The following KMO variants were observed in gnomAD, a reference collection of about 807,000 sequenced individuals.
The protein encoded by KMO is kynurenine 3-monooxygenase.
KMO carries 24 observed loss-of-function variants against 57.8 expected under a neutral mutation model. That is an observed-to-expected ratio of 0.42 (90% CI 0.30 to 0.58). KMO has a LOEUF of 0.58. Ranked by LOEUF, KMO falls within the 20% of genes least tolerant of loss-of-function variation. The pLI, the probability that KMO is intolerant of heterozygous loss-of-function variation, is 0.22. For missense variants in KMO, 483 were observed against 588.2 expected, an observed-to-expected ratio of 0.82 and a Z score of 1.85; for synonymous variants, 210 against 193.6, an observed-to-expected ratio of 1.08 and a Z score of -0.70.
At chr1:241,582,375 A>G (rs1395863488) in intron 10 of KMO, among the ~76,000 whole-genome samples, 1 of 152,102 alleles carries the variant, frequency 6.6e-6, no homozygotes. Flanking sequence ...GTCTCTCTCT[A>G]TATATGTTCT....
intron 1 of KMO, among the ~76,000 whole-genome samples, chr1:241,547,191 T>C (rs1372913350): frequency 6.6e-6 from 1 of 152,118 alleles, no homozygotes; most frequent in Non-Finnish European, 1.5e-5. Flanking sequence ...GATCTCAGAA[T>C]AGGCAAAGAT....
In KMO at chr1:241,593,305, C is replaced by T; in HGVS notation, c.*1152C>T. On this transcript the variant is annotated 3_prime_UTR_variant, in exon 15 of 15. Transcript: ENST00000366559. ...ATACTGCAGCAGAACCAGCAATACA[C>T]TTGATTTTTAAAAGCACATTTAGTG... 2.5e-6 allele frequency: 1 copy of T among 402,848 alleles called. No individual in the cohort carries two copies. Among genetic ancestry groups the T allele is most frequent in the Non-Finnish European group, 5.6e-6 (1 of 179,980 alleles). The allele number at this position is 402,848 out of a possible 1,614,324, so 25.0% of individuals were successfully genotyped here.
intron 10 of KMO, among the ~76,000 whole-genome samples, chr1:241,585,883 G>T (rs1662958528): frequency 6.6e-6 from 1 of 151,688 alleles, no homozygotes; most frequent in Non-Finnish European, 1.5e-5. Context: ...TCTGTATTTA[G>T]TATAGTACAT....
At chr1:241,557,477 G>A (rs1233133396) in intron 5 of KMO, among the ~76,000 whole-genome samples, 1 of 152,156 alleles carries the variant, frequency 6.6e-6, no homozygotes, top group Admixed American at 6.5e-5. Flanking sequence ...GTAATTGAAC[G>A]TAATGGGATT....
intron 10 of KMO, among the ~76,000 whole-genome samples, chr1:241,572,439 A>AT (rs912172008): frequency 3.3e-5 from 5 of 151,754 alleles, no homozygotes; most frequent in African/African-American, 1.2e-4. Context: ...TTGACCTCTG[A>AT]TTTTATTTAT....
chr1:241,562,369 C>A (rs760552811), intron 7 of KMO, 37 bp downstream of exon 7: 2 of 1,606,032 alleles, frequency 1.2e-6, no homozygotes, highest in East Asian at 2.2e-5. Flanking sequence ...TTCCCACAAC[C>A]CTTGCTCCAT....
rs761201360 is a variant in KMO at position 241,566,563 on chromosome 1, G to A, written c.760G>A (p.Val254Ile). ...FEKLLTSNDVVDFFQKYFPDA... is the reference protein window; with the variant it reads ...FEKLLTSNDVIDFFQKYFPDA... ...AAAACTTCTAACCAGTAATGATGTG[G>A]TAGATTTCTTCCAGAAATACTTTCC... Residue 254 changes from valine to isoleucine, a missense_variant, in exon 9 of 15, where the codon GTA becomes ATA. Physicochemically the swap from Val to Ile is conservative, Grantham distance 29. This residue lies in a region of KMO where 410 missense variants were observed against 492.3 expected (regional missense o/e 0.83). Transcript: ENST00000366559. 1 of 1,613,498 alleles carries A rather than the reference G, an allele frequency of 6.2e-7. No individual in the cohort carries two copies.
chr1:241,568,235 A>G (rs1360003494), intron 9 of KMO, among the ~76,000 whole-genome samples: 4 of 152,232 alleles, frequency 2.6e-5, no homozygotes, highest in Non-Finnish European at 5.9e-5. Flanking sequence ...TTTTAATAAT[A>G]TATGATACAG....
chr1:241,534,003 T>C (rs1487917618), intron 1 of KMO, among the ~76,000 whole-genome samples: 1 of 152,254 alleles, frequency 6.6e-6, no homozygotes, highest in African/African-American at 2.4e-5. Context: ...AGGCAGGAAC[T>C]GCCTGAGGCC....
Position 241,592,216 on chromosome 1 carries a change from A to G in KMO, c.*63A>G. The G allele has an allele frequency of 1.6e-6, 2 of 1,263,946 alleles. No homozygotes were observed. Among genetic ancestry groups the G allele is most frequent in the Non-Finnish European group, 2.3e-6 (2 of 882,336 alleles). 78.3% of individuals were successfully genotyped at this position (1,263,946 alleles called of 1,614,324 possible). On this transcript the variant is annotated 3_prime_UTR_variant, in exon 15 of 15. Coordinates refer to ENST00000366559, the MANE Select transcript of KMO (RefSeq NM_003679.5). ...GTGACCAAAATTAAGCATGAAAAAA[A>G]TGTTTCCATTGCCATATTTGATTCA...
chr1:241,566,436 T>A (rs1662081945), intron 8 of KMO, 55 bp from the exon 9 acceptor site: 8 of 1,572,628 alleles, frequency 5.1e-6, no homozygotes, highest in South Asian at 1.2e-5. Flanking sequence ...AGCCACCTAG[T>A]GCCAGCGTCA....
intron 1 of KMO, 73 bp downstream of exon 1, chr1:241,532,571 T>A: frequency 9.0e-7 from 1 of 1,108,164 alleles, no homozygotes. Context: ...TGATTATTAT[T>A]CGTCACTTCT....
At chr1:241,542,342 C>A (rs1160122565) in intron 1 of KMO, among the ~76,000 whole-genome samples, 1 of 152,130 alleles carries the variant, frequency 6.6e-6, no homozygotes, top group Non-Finnish European at 1.5e-5. Flanking sequence ...CATCCCTATA[C>A]AGCACATGAC....
At chr1:241,583,875 A>G (rs1662859666) in intron 10 of KMO, among the ~76,000 whole-genome samples, 1 of 152,192 alleles carries the variant, frequency 6.6e-6, no homozygotes, top group Non-Finnish European at 1.5e-5. Flanking sequence ...TCAGCAATTC[A>G]AGACTTAATT....
At chr1:241,572,914 T>G (rs1662358236) in intron 10 of KMO, among the ~76,000 whole-genome samples, 1 of 152,182 alleles carries the variant, frequency 6.6e-6, no homozygotes, top group Non-Finnish European at 1.5e-5. Flanking sequence ...TTGAGTCATT[T>G]CACTTAAAAT....
chr1:241,541,401 A>G (rs1275927639), intron 1 of KMO, among the ~76,000 whole-genome samples: 1 of 152,214 alleles, frequency 6.6e-6, no homozygotes, highest in Non-Finnish European at 1.5e-5. Flanking sequence ...GGAATACAGA[A>G]TACAGAAGAA....
intron 9 of KMO, 86 bp downstream of exon 9, chr1:241,566,698 T>C: frequency 7.2e-7 from 1 of 1,395,536 alleles, no homozygotes. Flanking sequence ...TCAGTTTGGG[T>C]TAAACACGAT....
chr1:241,574,437 G>T (rs1481066955), intron 10 of KMO, among the ~76,000 whole-genome samples: 1 of 151,882 alleles, frequency 6.6e-6, no homozygotes, highest in Non-Finnish European at 1.5e-5. Context: ...TTTGAGGTTA[G>T]TCCCTTCTAT....
rs750076763 is a variant in KMO, at chr1:241,562,192, A to G, written c.475A>G (p.Thr159Ala). The change falls in exon 7 of 15, where the codon ACT becomes GCT. Residue 159 changes from threonine to alanine, a missense_variant. By Grantham distance (58) the Thr-to-Ala change is moderately conservative. Coordinates refer to ENST00000366559, the MANE Select transcript of KMO (RefSeq NM_003679.5). The part of the protein sequence containing the change: ...LGSDKVPKDV[T>A]CDLIVGCDGA... ...ATCTGACAAAGTTCCCAAAGATGTC[A>G]CTTGTGACCTCATTGTAGGATGTGA... is the stretch of plus-strand genomic sequence containing the variant. 65 of 1,613,854 alleles carry G rather than the reference A, an allele frequency of 4.0e-5. No individual in the cohort carries two copies. Among genetic ancestry groups the G allele is most frequent in the Non-Finnish European group, 5.4e-5 (64 of 1,179,950 alleles).
Sources: gnomAD v4.1 joint callset for allele counts (sites outside exome capture counted in the v4.1 genomes callset) on GRCh38, gnomAD v4.1.1 for gene constraint, gnomAD v4.1.1 regional missense constraint, MANE v1.5 for transcripts, NCBI Gene and HGNC (gene_info 2026-07-23, HGNC 2026-07-21) for gene names.